Variants in LINGO2 observed in about 807,000 individuals in gnomAD.
LINGO2 encodes leucine rich repeat and Ig domain containing 2.
LINGO2 carries 14 observed loss-of-function variants against 30.6 expected under a neutral mutation model. The ratio of observed to expected loss-of-function variants is 0.46; its 90% confidence interval spans 0.30 to 0.72. LINGO2 has a LOEUF of 0.72. Among genes scored for constraint, LINGO2 ranks in the 30% least tolerant of loss-of-function variants. The probability of loss-of-function intolerance (pLI) is 0.07; values close to 1 mark genes in which losing one functional copy is unlikely to be tolerated. For synonymous variants in LINGO2, 317 were observed against 288.5 expected (o/e 1.10, Z -1.00); for missense variants, 729 against 751.7 (o/e 0.97, Z 0.35).
chr9:28,579,655 C>T (rs1476764968), intron 1 of LINGO2, among the ~76,000 whole-genome samples: 1 of 152,046 alleles, frequency 6.6e-6, no homozygotes, highest in African/African-American at 2.4e-5. Flanking sequence ...AACATAAGGG[C>T]TGCCAAACTG....
At chr9:28,769,526 T>A in the LINGO2 span, among the ~76,000 whole-genome samples, 2 of 2,724 alleles carry the variant, frequency 7.3e-4, no homozygotes, top group Non-Finnish European at 1.4e-3. Context: ...ATATTTTTTT[T>A]TTTTTTTTTT....
At chr9:28,953,266 G>A in the LINGO2 span, among the ~76,000 whole-genome samples, 3 of 152,088 alleles carry the variant, frequency 2.0e-5, no homozygotes, top group African/African-American at 7.2e-5. Flanking sequence ...TTGAATTAAG[G>A]TAAATGGGTA....
chr9:28,879,445 C>G, the LINGO2 span, among the ~76,000 whole-genome samples: 5 of 152,236 alleles, frequency 3.3e-5, no homozygotes, highest in East Asian at 9.6e-4. Context: ...CCAAATGACA[C>G]AAAACACCTC....
the LINGO2 span, among the ~76,000 whole-genome samples, chr9:29,134,113 T>G: frequency 6.6e-6 from 1 of 152,174 alleles, no homozygotes; most frequent in Non-Finnish European, 1.5e-5. Flanking sequence ...CAACCTCTAA[T>G]AATCTAAGAA....
chr9:28,744,232 G>A, the LINGO2 span, among the ~76,000 whole-genome samples: 2 of 151,626 alleles, frequency 1.3e-5, no homozygotes, highest in Non-Finnish European at 2.9e-5. Flanking sequence ...TGATGAAACA[G>A]TGTCATAGTA....
the LINGO2 span, among the ~76,000 whole-genome samples, chr9:28,897,394 C>G: frequency 5.3e-5 from 8 of 152,134 alleles, no homozygotes; most frequent in African/African-American, 1.9e-4. Context: ...CACTTTCCAG[C>G]CCTCTTGCTG....
At chr9:28,372,545 AT>A (rs931172022) in intron 3 of LINGO2, among the ~76,000 whole-genome samples, 1 of 152,162 alleles carries the variant, frequency 6.6e-6, no homozygotes, top group African/African-American at 2.4e-5. Context: ...AGGGTACAAA[AT>A]TTCAGTTAGA....
At chr9:28,796,646 T>C in the LINGO2 span, among the ~76,000 whole-genome samples, 1 of 152,004 alleles carries the variant, frequency 6.6e-6, no homozygotes, top group Non-Finnish European at 1.5e-5. Flanking sequence ...ATGATTTTTA[T>C]ATACAAATTG....
intron 4 of LINGO2, among the ~76,000 whole-genome samples, chr9:28,225,594 C>G (rs1821117312): frequency 6.6e-6 from 1 of 151,900 alleles, no homozygotes; most frequent in Non-Finnish European, 1.5e-5. Flanking sequence ...GATTGAAACA[C>G]TAACAAATAT....
At chr9:28,918,636 A>T in the LINGO2 span, among the ~76,000 whole-genome samples, 1 of 152,172 alleles carries the variant, frequency 6.6e-6, no homozygotes, top group South Asian at 2.1e-4. Context: ...TTAATTTTAG[A>T]TTAAAATGTA....
chr9:27,988,769 C>T (rs1206739009), intron 5 of LINGO2, among the ~76,000 whole-genome samples: 2 of 151,890 alleles, frequency 1.3e-5, no homozygotes, highest in African/African-American at 2.4e-5. Context: ...TCTTTCTCTA[C>T]TCTTCCTATC....
At chr9:28,521,073 G>C (rs974984114) in intron 1 of LINGO2, among the ~76,000 whole-genome samples, 31 of 152,052 alleles carry the variant, frequency 2.0e-4, no homozygotes, top group African/African-American at 7.5e-4. Context: ...GAGAGTTTTA[G>C]GCCCAGTAGA....
chr9:28,972,089 C>T, the LINGO2 span, among the ~76,000 whole-genome samples: 46 of 152,332 alleles, frequency 3.0e-4, 1 homozygote, highest in South Asian at 9.5e-3. Context: ...AGCATTACTG[C>T]GCTTGGGGTG....
At chr9:28,189,305 GAGGAAGGAAGGAAGGA>G (rs1217794527) in intron 4 of LINGO2, among the ~76,000 whole-genome samples, 924 of 26,418 alleles carry the variant, frequency 0.035, 103 homozygotes, top group East Asian at 0.056. Context: ...GGAAGGAAGG[GAGGAAGGAAGGAAGGA>G]AGGGAGGGAG....
the LINGO2 span, among the ~76,000 whole-genome samples, chr9:28,968,404 C>T: frequency 6.6e-6 from 1 of 152,090 alleles, no homozygotes; most frequent in Non-Finnish European, 1.5e-5. Flanking sequence ...TTTCCCAGGG[C>T]TAAATTGCAA....
At chr9:27,992,221 T>TTA (rs1821432298) in intron 5 of LINGO2, among the ~76,000 whole-genome samples, 1 of 152,090 alleles carries the variant, frequency 6.6e-6, no homozygotes, top group Non-Finnish European at 1.5e-5. Flanking sequence ...CATTTTGACT[T>TTA]TATATATGTG....
chr9:28,560,838 T>C (rs989844251), intron 1 of LINGO2, among the ~76,000 whole-genome samples: 2 of 151,582 alleles, frequency 1.3e-5, no homozygotes, highest in African/African-American at 2.4e-5. Flanking sequence ...GGCTAATTTG[T>C]GTGTGTGTGT....
Position 28,440,098 on chromosome 9 carries a change from T to A in LINGO2, c.-279+35842A>T, listed in dbSNP as rs575892572. ...AAGGGAATAACTTAATACCTTGTTT[T>A]TACACAGTGTCTTGTTTTTACACAG... On this transcript the variant is annotated intron_variant, in intron 2 of 5. Transcript: ENST00000379992. Among the ~76,000 whole-genome samples the A allele has an allele frequency of 8.3e-3, 1,259 of 152,276 alleles. 19 individuals are homozygous for A. The highest frequency in any genetic ancestry group is 0.027 in the African/African-American group (1,128 of 41,558).
At chr9:28,149,068 G>T in intron 4 of LINGO2, 1 of 1,534,512 alleles carries the variant, frequency 6.5e-7, no homozygotes. Context: ...TATCTCCTGA[G>T]GCACTGTTGG....
Sources: allele counts gnomAD v4.1 joint callset (sites outside exome capture counted in the v4.1 genomes callset), GRCh38; gene constraint gnomAD v4.1.1; transcripts MANE v1.5; gene names NCBI Gene and HGNC (gene_info 2026-07-23, HGNC 2026-07-21).